ADK: variants seen among roughly 807,000 people sequenced by gnomAD.
ADK encodes the protein adenosine kinase, also known as N6,N6-dimethyladenosine kinase.
ADK carries 24 observed loss-of-function variants against 44.7 expected under a neutral mutation model. That is an observed-to-expected ratio of 0.54 (90% CI 0.39 to 0.76). ADK has a LOEUF of 0.76. Ranked by LOEUF, ADK falls within the 30% of genes least tolerant of loss-of-function variation. The probability of loss-of-function intolerance (pLI) is 0.00; values close to 1 mark genes in which losing one functional copy is unlikely to be tolerated. For synonymous variants in ADK, 128 were observed against 142.6 expected (o/e 0.90, Z 0.73); for missense variants, 321 against 425.1 (o/e 0.76, Z 2.15).
At chr10:74,424,392 G>T (rs904551640) in intron 6 of ADK, among the ~76,000 whole-genome samples, 4 of 151,492 alleles carry the variant, frequency 2.6e-5, no homozygotes, top group Non-Finnish European at 4.4e-5. Context: ...AAATTAGCCG[G>T]GCATGGCAGC....
chr10:74,371,007 C>A (rs1842640360), intron 4 of ADK, among the ~76,000 whole-genome samples: 1 of 152,088 alleles, frequency 6.6e-6, no homozygotes, highest in African/African-American at 2.4e-5. Context: ...TGATCATCTC[C>A]TGTGTTTTTA....
chr10:74,198,409 A>G (rs570513425), intron 1 of ADK, among the ~76,000 whole-genome samples: 5 of 152,346 alleles, frequency 3.3e-5, no homozygotes, highest in South Asian at 2.1e-4. Context: ...TGCTCAATCT[A>G]TGGTGTTAAT....
chr10:74,372,462 G>A (rs1459287426), intron 4 of ADK: 7 of 423,858 alleles, frequency 1.7e-5, no homozygotes, highest in Middle Eastern at 6.1e-4. Context: ...TAAGGTTGAC[G>A]GAAAATAAAT....
rs1848754840 is a variant in ADK at position 74,520,275 on chromosome 10, T to C, written c.556-4981T>C. 2.6e-5 allele frequency among the ~76,000 whole-genome samples: 4 copies of C among 151,632 alleles called. No individual in the cohort carries two copies. The South Asian group carries it at 8.3e-4, about 31-fold the overall frequency. The stretch of plus-strand genomic sequence containing the variant: ...CAAAATAATATCATATATTCTTCCC[T>C]ATTATATTCTGATCAGAATATTGTT... On this transcript the variant is annotated intron_variant, in intron 6 of 10. Transcript: ENST00000539909.
chr10:74,277,634 C>T (rs924349678), intron 3 of ADK, among the ~76,000 whole-genome samples: 1 of 151,876 alleles, frequency 6.6e-6, no homozygotes, highest in Non-Finnish European at 1.5e-5. Context: ...CTCCTGACCT[C>T]GTGATCCACC....
intron 6 of ADK, among the ~76,000 whole-genome samples, chr10:74,500,989 A>T (rs530613332): frequency 2.4e-4 from 36 of 152,344 alleles, no homozygotes; most frequent in Admixed American, 2.2e-3. Flanking sequence ...ATGATTTCAC[A>T]TTTAGCTTTT....
intron 6 of ADK, among the ~76,000 whole-genome samples, chr10:74,453,528 A>T (rs1204247226): frequency 6.6e-6 from 1 of 152,060 alleles, no homozygotes; most frequent in South Asian, 2.1e-4. Context: ...GGTTTTCACA[A>T]ATTTAAGGCA....
At chr10:74,285,243 G>A (rs957433294) in intron 3 of ADK, among the ~76,000 whole-genome samples, 1 of 152,178 alleles carries the variant, frequency 6.6e-6, no homozygotes, top group Admixed American at 6.5e-5. Flanking sequence ...AGGCTTCACA[G>A]AGAAGATGAT....
chr10:74,524,573 TG>T (rs1410896558), intron 6 of ADK, among the ~76,000 whole-genome samples: 1 of 152,162 alleles, frequency 6.6e-6, no homozygotes, highest in Non-Finnish European at 1.5e-5. Context: ...TTGAAATTTT[TG>T]TAGAGACAGA....
In ADK at chr10:74,474,702, G is replaced by A. The variant is rs114869703; in HGVS notation, c.556-50554G>A. Among the ~76,000 whole-genome samples, 380 of 152,020 alleles carry A rather than the reference G, an allele frequency of 2.5e-3. 3 individuals are homozygous for A. The highest frequency in any genetic ancestry group is 8.8e-3 in the African/African-American group (365 of 41,468). On this transcript the variant is annotated intron_variant, in intron 6 of 10. Transcript: ENST00000539909. ...GGGGTGTGTGTGTGTGTTTGCATGTGTATGTAGATGGAATTTCACTGTGTT... is the reference window on the plus strand; with the variant it reads ...GGGGTGTGTGTGTGTGTTTGCATGTATATGTAGATGGAATTTCACTGTGTT...
intron 9 of ADK, among the ~76,000 whole-genome samples, chr10:74,613,394 C>T (rs1434307421): frequency 6.6e-6 from 1 of 152,046 alleles, no homozygotes; most frequent in African/African-American, 2.4e-5. Context: ...AGCTAAGGGT[C>T]TAGTTCTTCA....
intron 9 of ADK, among the ~76,000 whole-genome samples, chr10:74,664,820 C>T (rs1017385260): frequency 8.6e-5 from 13 of 151,914 alleles, no homozygotes; most frequent in Admixed American, 5.9e-4. Flanking sequence ...CCAGCCTGGG[C>T]GACGCAGCGA....
At chr10:74,529,048 C>G (rs552258442) in intron 7 of ADK, among the ~76,000 whole-genome samples, 10 of 152,182 alleles carry the variant, frequency 6.6e-5, no homozygotes, top group African/African-American at 2.4e-4. Flanking sequence ...AGCAGGGACT[C>G]AGATAATTGT....
chr10:74,155,510 C>CTA (rs1176040387), intron 1 of ADK, among the ~76,000 whole-genome samples: 3 of 151,718 alleles, frequency 2.0e-5, no homozygotes, highest in African/African-American at 4.8e-5. Context: ...TTTCTAGACC[C>CTA]TATATATATA....
At chr10:74,412,874 A>T (rs925290656) in intron 6 of ADK, among the ~76,000 whole-genome samples, 4 of 152,166 alleles carry the variant, frequency 2.6e-5, no homozygotes, top group Admixed American at 6.5e-5. Flanking sequence ...CCTGGTCGAC[A>T]TGGTGAAACC....
intron 9 of ADK, among the ~76,000 whole-genome samples, chr10:74,667,585 T>C (rs1226018022): frequency 6.7e-6 from 1 of 149,788 alleles, no homozygotes; most frequent in Non-Finnish European, 1.5e-5. Context: ...CAGGCTGGAG[T>C]GTAGTGGTGC....
At chr10:74,329,444 C>A (rs559652537) in intron 4 of ADK, among the ~76,000 whole-genome samples, 56 of 152,308 alleles carry the variant, frequency 3.7e-4, no homozygotes, top group African/African-American at 1.2e-3. Flanking sequence ...GCATTTACAA[C>A]CCACTATGTA....
intron 4 of ADK, among the ~76,000 whole-genome samples, chr10:74,363,369 C>T (rs1193588114): frequency 2.0e-5 from 3 of 152,160 alleles, no homozygotes; most frequent in East Asian, 3.9e-4. Context: ...CCTGCACATA[C>T]AGGATATTTC....
intron 3 of ADK, among the ~76,000 whole-genome samples, chr10:74,265,786 A>G (rs1846192221): frequency 6.6e-6 from 1 of 152,158 alleles, no homozygotes; most frequent in Admixed American, 6.6e-5. Flanking sequence ...GTATGAAAAT[A>G]TTTTTTTAAA....
Sources: gnomAD v4.1 joint callset for allele counts (sites outside exome capture counted in the v4.1 genomes callset) on GRCh38, gnomAD v4.1.1 for gene constraint, MANE v1.5 for transcripts, NCBI Gene and HGNC (gene_info 2026-07-23, HGNC 2026-07-21) for gene names.